SPG11: variants seen among roughly 807,000 people sequenced by gnomAD.
The protein encoded by SPG11 is spatacsin.
Under a neutral mutation model 274.0 loss-of-function variants are expected in SPG11, and 222 were observed. That is an observed-to-expected ratio of 0.81 (90% CI 0.73 to 0.91). SPG11 has a LOEUF of 0.91. Among genes scored for constraint, SPG11 ranks in the 40% least tolerant of loss-of-function variants. The probability of loss-of-function intolerance (pLI) is 0.00; values close to 1 mark genes in which losing one functional copy is unlikely to be tolerated. For missense variants in SPG11, 3,114 were observed against 2,872.7 expected (o/e 1.08, Z -1.92); for synonymous variants, 1,144 against 1,039.7 (o/e 1.10, Z -1.93).
chr15:44,582,963 G>C (rs145485789), intron 30 of SPG11, among the ~76,000 whole-genome samples: 12 of 152,090 alleles, frequency 7.9e-5, no homozygotes, highest in Admixed American at 3.3e-4. Flanking sequence ...TCAGTAAAAA[G>C]GTACAGATGT....
chr15:44,569,574 C>T (rs960384447), intron 34 of SPG11, 69 bp from the exon 35 acceptor site: 1 of 1,213,136 alleles, frequency 8.2e-7, no homozygotes, highest in Non-Finnish European at 1.2e-6. Context: ...CAGACAACTA[C>T]CATCAGTGGT....
Position 44,610,933 on chromosome 15 carries a change from G to A in SPG11, c.3198C>T (p.Pro1066=), listed in dbSNP as rs1595878904. 2 of 1,613,838 alleles carry A rather than the reference G, an allele frequency of 1.2e-6. No individual in the cohort carries two copies. Among genetic ancestry groups the A allele is most frequent in the East Asian group, 2.2e-5 (1 of 44,846 alleles). The part of the protein sequence containing the change: ...ASLANAQILI[P]TNQASVSSML... ...TACTGCTTACACTGGCCTGATTGGT[G>A]GGAATCAAAATCTGAGCATTTGCAA... The change falls in exon 18 of 40, where the codon CCC becomes CCT. Residue 1066 remains proline, a synonymous_variant. Coordinates refer to ENST00000261866, the MANE Select transcript of SPG11 (RefSeq NM_025137.4).
Position 44,660,210 on chromosome 15 carries a change from ATT to A in SPG11, c.442+220_442+221del, listed in dbSNP as rs1476769328. ...TAAATACAAAAAATTGAGATATTTT[ATT>A]TTTAGTATTAAGTCTTCAAAATCTA... On this transcript the variant is annotated intron_variant, in intron 2 of 39. Transcript: ENST00000261866. 3.3e-5 allele frequency among the ~76,000 whole-genome samples: 5 copies of A among 152,318 alleles called. No individual in the cohort carries two copies. The East Asian group carries it at 9.6e-4, about 29-fold the overall frequency.
intron 6 of SPG11, among the ~76,000 whole-genome samples, chr15:44,650,735 T>C (rs973935492): frequency 2.0e-5 from 3 of 151,986 alleles, no homozygotes; most frequent in South Asian, 2.1e-4. Flanking sequence ...GCAGATCCAG[T>C]GTTGCCAGAT....
intron 19 of SPG11, 64 bp from the exon 20 acceptor site, chr15:44,606,155 T>A: frequency 6.8e-7 from 1 of 1,461,798 alleles, no homozygotes. Context: ...GTAAAAAAAA[T>A]TATATGAAAG....
chr15:44,589,431 G>A lies in SPG11; in HGVS notation c.4744-17C>T, dbSNP rs1157050276. Reference sequence around the variant, plus strand: ...TGTGTTAAGCTATGAAAGAAAAAGAGAAGCTTAGGGAAAGCAGTTTCATGA... The same window carrying A: ...TGTGTTAAGCTATGAAAGAAAAAGAAAAGCTTAGGGAAAGCAGTTTCATGA... On this transcript the variant is annotated splice_polypyrimidine_tract_variant and intron_variant, in intron 27 of 39. Transcript: ENST00000261866. 1.2e-6 allele frequency: 2 copies of A among 1,613,942 alleles called. No individual in the cohort carries two copies. The highest frequency in any genetic ancestry group is 2.2e-5 in the South Asian group (2 of 91,076).
rs571647112 is a variant in SPG11, at chr15:44,564,213, A to G, written c.7151+334T>C. Among the ~76,000 whole-genome samples, 6 of 151,928 alleles carry G rather than the reference A, an allele frequency of 3.9e-5. No individual in the cohort carries two copies. In the South Asian group the frequency reaches 1.0e-3, roughly 26 times the overall value. On this transcript the variant is annotated intron_variant, in intron 39 of 39. Coordinates refer to ENST00000261866, the MANE Select transcript of SPG11 (RefSeq NM_025137.4). Reference sequence around the variant, plus strand: ...TCACCATGTTGGCAAGGCTGGTCTCAAACTCCTGACCTCAAGTGATCCTCC... The same window carrying G: ...TCACCATGTTGGCAAGGCTGGTCTCGAACTCCTGACCTCAAGTGATCCTCC...
chr15:44,638,602 G>T (rs2084351056), intron 7 of SPG11, among the ~76,000 whole-genome samples: 1 of 151,156 alleles, frequency 6.6e-6, no homozygotes. Context: ...AACAGAAAGT[G>T]AATAATTTCT....
chr15:44,657,953 G>C (rs2084987881), intron 3 of SPG11, among the ~76,000 whole-genome samples: 1 of 152,216 alleles, frequency 6.6e-6, no homozygotes. Flanking sequence ...CTTGAGCCCA[G>C]GAGGCAGGGG....
chr15:44,625,134 C>CA (rs78780878), intron 11 of SPG11, among the ~76,000 whole-genome samples: 1,014 of 80,844 alleles, frequency 0.013, 3 homozygotes, highest in South Asian at 0.029. Context: ...AACTCTGTCT[C>CA]AAAAAAAAAA....
In SPG11 at chr15:44,584,567, T is replaced by G; in HGVS notation, c.5122-9A>C. ...TGCATTTCCTGTGTTATCTGTGAAA[T>G]TTAACAAAGCAGATTTTAGCCTTTC... On this transcript the variant is annotated splice_polypyrimidine_tract_variant and intron_variant, in intron 29 of 39. Coordinates refer to ENST00000261866, the MANE Select transcript of SPG11 (RefSeq NM_025137.4). 6.2e-7 allele frequency: 1 copy of G among 1,606,588 alleles called. No homozygotes were observed. Among genetic ancestry groups the G allele is most frequent in the East Asian group, 2.2e-5 (1 of 44,890 alleles).
chr15:44,631,828 A>C (rs2084072076), intron 8 of SPG11, among the ~76,000 whole-genome samples: 1 of 87,422 alleles, frequency 1.1e-5, no homozygotes, highest in East Asian at 3.4e-4. Flanking sequence ...TTTTTTTTTG[A>C]GACAGAGTCT....
chr15:44,653,859 G>T (rs973636940), intron 4 of SPG11, among the ~76,000 whole-genome samples: 4 of 152,062 alleles, frequency 2.6e-5, no homozygotes, highest in Admixed American at 1.3e-4. Flanking sequence ...AACTCCATGG[G>T]TCCACTTATA....
chr15:44,564,363 T>C (rs1281266065), intron 39 of SPG11, among the ~76,000 whole-genome samples, 184 bp downstream of exon 39: 2 of 152,216 alleles, frequency 1.3e-5, no homozygotes, highest in Non-Finnish European at 1.5e-5. Flanking sequence ...GAGCAAACTG[T>C]TCTTGTTGAT....
chr15:44,567,570 A>G lies in SPG11; in HGVS notation c.6608T>C (p.Leu2203Pro), dbSNP rs766101009. ...ACGGCAGCGTTTGATGTAGTCCAGC[A>G]GGGCTGTTTTCAGGGTACCACTCTG... is the stretch of plus-strand genomic sequence containing the variant. ...LDPSGTLKTA[L>P]LDYIKRCRPG... The change falls in exon 36 of 40, where the codon CTG (leucine) becomes CCG (proline). Residue 2203 changes from leucine (L) to proline (P), a missense_variant. By Grantham distance (98) the Leu-to-Pro change is moderately conservative. Transcript: ENST00000261866. 1.9e-6 allele frequency: 3 copies of G among 1,614,056 alleles called. No individual in the cohort carries two copies. In the East Asian group the frequency reaches 6.7e-5, roughly 36 times the overall value.
At chr15:44,631,116 C>A (rs1210434808) in intron 8 of SPG11, among the ~76,000 whole-genome samples, 1 of 152,052 alleles carries the variant, frequency 6.6e-6, no homozygotes, top group Non-Finnish European at 1.5e-5. Context: ...AATTCCAGGT[C>A]TAGAATTTAA....
At chr15:44,651,975 A>G in intron 5 of SPG11, 36 bp from the exon 6 acceptor site, 1 of 1,594,114 alleles carries the variant, frequency 6.3e-7, no homozygotes, top group South Asian at 1.1e-5. Flanking sequence ...AACACCTGTC[A>G]CAGTAAAAGG....
chr15:44,572,965 T>G (rs2082453723), intron 32 of SPG11, 145 bp from the exon 33 acceptor site: 2 of 763,462 alleles, frequency 2.6e-6, no homozygotes, highest in Admixed American at 2.1e-5. Context: ...TTGGTCATTT[T>G]ATAGGACAGG....
At chr15:44,659,865 A>G (rs1445937031) in intron 2 of SPG11, among the ~76,000 whole-genome samples, 1 of 152,208 alleles carries the variant, frequency 6.6e-6, no homozygotes, top group Non-Finnish European at 1.5e-5. Flanking sequence ...GTTTGAGACC[A>G]GCCTGGCCAA....
Sources: allele counts gnomAD v4.1 joint callset (sites outside exome capture counted in the v4.1 genomes callset), GRCh38; gene constraint gnomAD v4.1.1; transcripts MANE v1.5; gene names NCBI Gene and HGNC (gene_info 2026-07-23, HGNC 2026-07-21).